The following SASH1 variants were observed in gnomAD, a reference collection of about 807,000 sequenced individuals.
SASH1 encodes SAM and SH3 domain-containing protein 1.
In SASH1, 44 loss-of-function variants were observed where a neutral mutation model predicts 125.2. The observed-to-expected ratio is 0.35, with a 90% confidence interval of 0.28 to 0.45. SASH1 has a LOEUF of 0.45. Ranked by LOEUF, SASH1 falls within the 20% of genes least tolerant of loss-of-function variation. SASH1 has a pLI of 1.00. For synonymous variants in SASH1, 639 were observed against 649.1 expected (o/e 0.98, Z 0.24); for missense variants, 1,426 against 1,614.5 (o/e 0.88, Z 2.00).
At chr6:148,295,670 G>A (rs1053104784) in intron 1 of SASH1, among the ~76,000 whole-genome samples, 5 of 152,364 alleles carry the variant, frequency 3.3e-5, no homozygotes, top group Admixed American at 6.5e-5. Context: ...TAAGCTGATG[G>A]CGGCGTATGG....
chr6:148,279,096 A>G (rs1208471870), intron 1 of SASH1, among the ~76,000 whole-genome samples: 5 of 151,616 alleles, frequency 3.3e-5, no homozygotes, highest in Non-Finnish European at 1.5e-5. Flanking sequence ...AGTTCAAGCA[A>G]TTTTCCTATC....
intron 1 of SASH1, among the ~76,000 whole-genome samples, chr6:148,386,161 C>T (rs1332736524): frequency 3.9e-5 from 6 of 152,082 alleles, no homozygotes; most frequent in Non-Finnish European, 7.3e-5. Context: ...GGGAGGGGAA[C>T]CACCTCCCCT....
upstream of SASH1, among the ~76,000 whole-genome samples, chr6:148,271,222 C>T (rs1779056524): frequency 1.3e-5 from 2 of 152,098 alleles, no homozygotes; most frequent in Non-Finnish European, 2.9e-5. Context: ...TCCACAACTC[C>T]TAATACCACT....
At chr6:148,340,447 C>A (rs545939355), upstream of SASH1, among the ~76,000 whole-genome samples, 3 of 150,680 alleles carry the variant, frequency 2.0e-5, no homozygotes, top group African/African-American at 7.3e-5. Flanking sequence ...GGTGCCACTG[C>A]ACTCCAGCCT....
At chr6:148,440,987 A>G (rs929854235) in intron 4 of SASH1, among the ~76,000 whole-genome samples, 9 of 152,164 alleles carry the variant, frequency 5.9e-5, no homozygotes, top group Non-Finnish European at 1.3e-4. Context: ...TTCTTGTTAT[A>G]TTTTCAGTAT....
chr6:148,251,476 T>C, the SASH1 span, among the ~76,000 whole-genome samples: 1 of 151,998 alleles, frequency 6.6e-6, no homozygotes, highest in Non-Finnish European at 1.5e-5. Context: ...TAGGAGAAAA[T>C]AGATGCTATA....
chr6:148,540,399 T>G, intron 16 of SASH1, 44 bp from the exon 17 acceptor site: 1 of 1,511,004 alleles, frequency 6.6e-7, no homozygotes, highest in Non-Finnish European at 9.2e-7. Context: ...AAACCTCTGC[T>G]TTTCACTCAC....
chr6:148,297,600 G>A (rs1374598581), intron 1 of SASH1, among the ~76,000 whole-genome samples: 3 of 152,214 alleles, frequency 2.0e-5, no homozygotes, highest in Non-Finnish European at 4.4e-5. Context: ...GGCCAAGGCA[G>A]GTGGATTGCC....
rs116345370 is a variant in SASH1, at chr6:148,422,387, C to T, written c.286-17797C>T. ...CCAGAAAGTGAGTGTTACGTGTATA[C>T]GTCAGTGTGCCACTTTAGAGTTGTA... On this transcript the variant is annotated intron_variant, in intron 2 of 19. Transcript: ENST00000367467. Among the ~76,000 whole-genome samples the T allele has an allele frequency of 2.6e-3, 390 of 152,302 alleles. 4 individuals carry two copies. Among genetic ancestry groups the T allele is most frequent in the African/African-American group, 8.7e-3 (360 of 41,562 alleles).
chr6:148,302,015 C>G lies in SASH1; in HGVS notation n.74+29638C>G, dbSNP rs1779961509. ...TCAAAAATTTCATCATTTACAAGAC[C>G]CTTAAGAAGCTAGTAATAGGCCGGG... On this transcript the variant is annotated intron_variant and non_coding_transcript_variant, in intron 1 of 3. Transcript: ENST00000367469. Among the ~76,000 whole-genome samples the G allele has an allele frequency of 2.6e-5, 4 of 151,476 alleles. No homozygotes were observed. The South Asian group carries it at 6.3e-4, about 24-fold the overall frequency.
chr6:148,442,427 C>T (rs1420072570), intron 4 of SASH1, among the ~76,000 whole-genome samples: 1 of 152,108 alleles, frequency 6.6e-6, no homozygotes, highest in South Asian at 2.1e-4. Context: ...TTTAAAGTTA[C>T]AGTAAAGTTT....
intron 1 of SASH1, among the ~76,000 whole-genome samples, chr6:148,387,664 CT>C: frequency 1.6e-5 from 1 of 62,528 alleles, no homozygotes; most frequent in Non-Finnish European, 2.9e-5. Flanking sequence ...TTCTTTCTTT[CT>C]TTCTTTCTTT....
chr6:148,238,049 G>C, the SASH1 span, among the ~76,000 whole-genome samples: 2 of 152,060 alleles, frequency 1.3e-5, no homozygotes, highest in African/African-American at 4.8e-5. Context: ...TTGGGGGCTG[G>C]AATGCTCTTC....
At chr6:148,397,847 T>C (rs1784020090) in intron 2 of SASH1, among the ~76,000 whole-genome samples, 1 of 152,218 alleles carries the variant, frequency 6.6e-6, no homozygotes, top group African/African-American at 2.4e-5. Flanking sequence ...GATTTTGCCT[T>C]TCCAGAATCA....
At chr6:148,214,252 C>T in the SASH1 span, among the ~76,000 whole-genome samples, 4 of 152,128 alleles carry the variant, frequency 2.6e-5, no homozygotes, top group East Asian at 1.9e-4. Flanking sequence ...TGCATGTTGA[C>T]GTGAAGTTAA....
intron 4 of SASH1, among the ~76,000 whole-genome samples, chr6:148,444,277 T>C (rs1393789086): frequency 6.6e-6 from 1 of 152,172 alleles, no homozygotes; most frequent in African/African-American, 2.4e-5. Context: ...AAAAATAACA[T>C]CACTTCTGTC....
At chr6:148,358,862 A>G (rs1432350895) in intron 1 of SASH1, among the ~76,000 whole-genome samples, 1 of 148,814 alleles carries the variant, frequency 6.7e-6, no homozygotes, top group Non-Finnish European at 1.5e-5. Flanking sequence ...CAGCCTCCCG[A>G]GTAGCTGGGA....
At chr6:148,356,513 T>TTTTTTTA (rs1781946847) in intron 1 of SASH1, among the ~76,000 whole-genome samples, 1 of 122,544 alleles carries the variant, frequency 8.2e-6, no homozygotes, top group South Asian at 2.7e-4. Context: ...TTTTTTTTTT[T>TTTTTTTA]TGAGACTGGG....
chr6:148,507,773 G>A (rs574568985), intron 8 of SASH1, among the ~76,000 whole-genome samples: 7 of 152,226 alleles, frequency 4.6e-5, no homozygotes, highest in Non-Finnish European at 7.4e-5. Context: ...ATTTTATGTC[G>A]TGTGATGTCC....
Sources: allele counts gnomAD v4.1 joint callset (sites outside exome capture counted in the v4.1 genomes callset), GRCh38; gene constraint gnomAD v4.1.1; transcripts MANE v1.5; gene names NCBI Gene and HGNC (gene_info 2026-07-23, HGNC 2026-07-21).